Variants in TTBK1 observed in about 807,000 individuals in gnomAD.
TTBK1 encodes tau-tubulin kinase 1.
TTBK1 carries 34 observed loss-of-function variants against 108.5 expected under a neutral mutation model. That is an observed-to-expected ratio of 0.31 (90% CI 0.24 to 0.42). The LOEUF (loss-of-function observed/expected upper bound fraction) is 0.42. Among genes scored for constraint, TTBK1 ranks in the 10% least tolerant of loss-of-function variants. The probability of loss-of-function intolerance (pLI) is 1.00; values close to 1 mark genes in which losing one functional copy is unlikely to be tolerated. For missense variants in TTBK1, 1,539 were observed against 1,826.0 expected, an observed-to-expected ratio of 0.84 and a Z score of 2.86; for synonymous variants, 809 against 795.1, an observed-to-expected ratio of 1.02 and a Z score of -0.29.
At chr6:43,254,411 T>C (rs758258745) in intron 5 of TTBK1, 136 bp from the exon 6 acceptor site, 1 of 585,234 alleles carries the variant, frequency 1.7e-6, no homozygotes, top group Non-Finnish European at 3.0e-6. Flanking sequence ...CACATGTGAA[T>C]ACTGACGTTT....
chr6:43,255,182 C>T, intron 7 of TTBK1, 68 bp downstream of exon 7: 9 of 388,490 alleles, frequency 2.3e-5, no homozygotes, highest in Admixed American at 2.3e-4. Flanking sequence ...CAGTGTGCTG[C>T]TGGGGAGGGG....
At chr6:43,266,998 C>CGTGT (rs3997628) in intron 13 of TTBK1, among the ~76,000 whole-genome samples, 6,474 of 128,100 alleles carry the variant, frequency 0.051, 183 homozygotes, top group East Asian at 0.072. Context: ...CTGGAGCATG[C>CGTGT]GTGTGTGTGT....
At chr6:43,244,227 G>T (rs1453381043) in intron 1 of TTBK1, among the ~76,000 whole-genome samples, 1 of 151,036 alleles carries the variant, frequency 6.6e-6, no homozygotes, top group Non-Finnish European at 1.5e-5. Flanking sequence ...ATTCCCCTCT[G>T]CCTCCCTCCA....
rs780222324 is a variant in TTBK1 at position 43,257,915 on chromosome 6, G to T, written c.965G>T (p.Ser322Ile). 6.2e-7 allele frequency: 1 copy of T among 1,613,964 alleles called. No homozygotes were observed. Among genetic ancestry groups the T allele is most frequent in the South Asian group, 1.1e-5 (1 of 91,070 alleles). Residue 322 changes from serine (S) to isoleucine (I), a missense_variant, in exon 10 of 15, where the codon AGC (serine) becomes ATC (isoleucine). Physicochemically the swap from Ser to Ile is moderately radical, Grantham distance 142. Around this residue, in one of 5 missense-constraint regions of TTBK1, gnomAD observed 277 missense variants for 332.4 expected, o/e 0.83. Transcript: ENST00000259750. This position sits in a 1 kb window ranked among gnomAD's most constrained non-coding sequence, Gnocchi z 4.5. Reference sequence around the variant, plus strand: ...GGCACCGATGCCCTCCTGTCCACGAGCACCTCTACCCCGCCCCAGCAGAAC... The same window carrying T: ...GGCACCGATGCCCTCCTGTCCACGATCACCTCTACCCCGCCCCAGCAGAAC... ...KAGTDALLSTSTSTPPQQNTR... is the reference protein window; with the variant it reads ...KAGTDALLSTITSTPPQQNTR...
chr6:43,268,012 C>G (rs1438549166), intron 13 of TTBK1, among the ~76,000 whole-genome samples: 1 of 152,206 alleles, frequency 6.6e-6, no homozygotes, highest in Non-Finnish European at 1.5e-5. Context: ...AGGGAGATAA[C>G]AGAGCACTCT....
Position 43,283,665 on chromosome 6 carries a change from C to G in TTBK1, c.2925C>G (p.Ala975=). The part of the protein sequence containing the change: ...ASDGGAVEEG[A]RAPLENGLAL... ...ATGGGGGCGCTGTGGAGGAGGGGGC[C>G]CGAGCGCCCCTGGAGAACGGCCTCG... Residue 975 remains alanine (A), a synonymous_variant, in exon 14 of 15, where the codon GCC becomes GCG. Transcript: ENST00000259750. The surrounding 1 kb of genome is among the most constrained non-coding windows in gnomAD (Gnocchi z 8.1). 1 of 1,613,914 alleles carries G rather than the reference C, an allele frequency of 6.2e-7. No homozygotes were observed. Among genetic ancestry groups the G allele is most frequent in the South Asian group, 1.1e-5 (1 of 91,070 alleles).
chr6:43,253,615 C>T lies in TTBK1; in HGVS notation c.378C>T (p.Phe126=), dbSNP rs777940892. 6.2e-6 allele frequency: 10 copies of T among 1,613,452 alleles called. No individual in the cohort carries two copies. Among genetic ancestry groups the T allele is most frequent in the East Asian group, 2.2e-5 (1 of 44,890 alleles). Residue 126 remains phenylalanine, a synonymous_variant, in exon 5 of 15, where the codon TTC becomes TTT. Coordinates refer to ENST00000259750, the MANE Select transcript of TTBK1 (RefSeq NM_032538.3). The surrounding 1 kb of genome is among the most constrained non-coding windows in gnomAD (Gnocchi z 5.8). ...GCCGTAGCCAGCCGCGAGGCACCTTCACGCTGAGCACCACATTGCGGCTGG... is the reference window on the plus strand; with the variant it reads ...GCCGTAGCCAGCCGCGAGGCACCTTTACGCTGAGCACCACATTGCGGCTGG... ...DLRRSQPRGT[F]TLSTTLRLGK... is the part of the protein sequence containing the mutation.
Position 43,263,448 on chromosome 6 carries a change from T to G in TTBK1, c.1986+98T>G. 2 of 1,168,238 alleles carry G rather than the reference T, an allele frequency of 1.7e-6. No homozygotes were observed. The highest frequency in any genetic ancestry group is 2.8e-5 in the East Asian group (1 of 36,362). 72.4% of individuals were successfully genotyped at this position (1,168,238 alleles called of 1,614,324 possible). On this transcript the variant is annotated intron_variant, in intron 13 of 14. Coordinates refer to ENST00000259750, the MANE Select transcript of TTBK1 (RefSeq NM_032538.3). The surrounding 1 kb of genome is among the most constrained non-coding windows in gnomAD (Gnocchi z 4.7). Reference sequence around the variant, plus strand: ...CATGTGTGCTGGCACTACTGACCAGTAAGCCAGCAGTCACAGGGCTGTGAT... The same window carrying G: ...CATGTGTGCTGGCACTACTGACCAGGAAGCCAGCAGTCACAGGGCTGTGAT...
Position 43,263,539 on chromosome 6 carries a change from T to G in TTBK1, c.1986+189T>G, listed in dbSNP as rs1259805387. Among the ~76,000 whole-genome samples the G allele has an allele frequency of 1.3e-5, 2 of 152,218 alleles. No individual in the cohort carries two copies. The highest frequency in any genetic ancestry group is 2.9e-5 in the Non-Finnish European group (2 of 68,026). Reference sequence around the variant, plus strand: ...GGCAGGCAAGGCTTCCCAGAGGAAGTGCCCTCTCAGTTCTGAGTTGAGTCT... The same window carrying G: ...GGCAGGCAAGGCTTCCCAGAGGAAGGGCCCTCTCAGTTCTGAGTTGAGTCT... On this transcript the variant is annotated intron_variant, in intron 13 of 14. Coordinates refer to ENST00000259750, the MANE Select transcript of TTBK1 (RefSeq NM_032538.3). The surrounding 1 kb of genome is among the most constrained non-coding windows in gnomAD (Gnocchi z 4.7).
chr6:43,271,534 C>T (rs1777835019), intron 13 of TTBK1: 1 of 985,308 alleles, frequency 1.0e-6, no homozygotes, highest in East Asian at 1.1e-4. Flanking sequence ...CTACCCCTCT[C>T]TCCCTGTAAC....
Position 43,283,309 on chromosome 6 carries a change from C to A in TTBK1, c.2569C>A (p.Pro857Thr). The A allele has an allele frequency of 6.3e-7, 1 of 1,579,686 alleles. No individual in the cohort carries two copies. Among genetic ancestry groups the A allele is most frequent in the Admixed American group, 1.8e-5 (1 of 55,108 alleles). ...CGTCACTGCCGAACTGGCCCCCGAC[C>A]CCGACCTGGGCACCCTGGCTGCCCT... ...SPVTAELAPD[P>T]DLGTLAALTP... Residue 857 changes from proline to threonine, a missense_variant, in exon 14 of 15, where the codon CCC becomes ACC. Transcript: ENST00000259750. This position sits in a 1 kb window ranked among gnomAD's most constrained non-coding sequence, Gnocchi z 8.1.
At chr6:43,267,689 C>T (rs183563714) in intron 13 of TTBK1, among the ~76,000 whole-genome samples, 1 of 152,068 alleles carries the variant, frequency 6.6e-6, no homozygotes, top group East Asian at 1.9e-4. Flanking sequence ...ATTTAAGGTG[C>T]AAATTAGGAG....
chr6:43,244,006 A>G (rs1355370391), intron 1 of TTBK1, among the ~76,000 whole-genome samples: 1 of 151,904 alleles, frequency 6.6e-6, no homozygotes, highest in East Asian at 1.9e-4. Context: ...GTCATCCCTG[A>G]CGAATCATTC....
rs1778217509 is a variant in TTBK1, at chr6:43,282,969, A to G, written c.2229A>G (p.Glu743=). Residue 743 remains glutamate, a synonymous_variant, in exon 14 of 15, where the codon GAA becomes GAG. Coordinates refer to ENST00000259750, the MANE Select transcript of TTBK1 (RefSeq NM_032538.3). The surrounding 1 kb of genome is among the most constrained non-coding windows in gnomAD (Gnocchi z 5.4). ...AGGAGGAGGAGGAGGAAGATGAGGA[A>G]GAGGAAGAAGAGGATGAGGAAGAAG... ...EEEEEEEEDE[E]EEEEDEEEEE... is the part of the protein sequence containing the mutation. 1 of 1,603,890 alleles carries G rather than the reference A, an allele frequency of 6.2e-7. No homozygotes were observed. The highest frequency in any genetic ancestry group is 8.5e-7 in the Non-Finnish European group (1 of 1,174,326).
At position 43,259,559 on chromosome 6, in the gene TTBK1, G is replaced by A. The variant is rs774742026; in HGVS notation, c.1277G>A (p.Arg426Gln). Residue 426 changes from arginine (R) to glutamine (Q), a missense_variant, in exon 12 of 15, where the codon CGA becomes CAA. Coordinates refer to ENST00000259750, the MANE Select transcript of TTBK1 (RefSeq NM_032538.3). This position sits in a 1 kb window ranked among gnomAD's most constrained non-coding sequence, Gnocchi z 6.7. Reference sequence around the variant, plus strand: ...CCCTGTGTGGAGGAGGAACAGAGCCGAGGCATGGGGGTCCCCAGCTCCCCA... The same window carrying A: ...CCCTGTGTGGAGGAGGAACAGAGCCAAGGCATGGGGGTCCCCAGCTCCCCA... Reference protein sequence around the residue: ...KSPCVEEEQSRGMGVPSSPVR... With the variant: ...KSPCVEEEQSQGMGVPSSPVR... 5.6e-6 allele frequency: 9 copies of A among 1,600,536 alleles called. No individual in the cohort carries two copies. Among genetic ancestry groups the A allele is most frequent in the African/African-American group, 4.0e-5 (3 of 74,570 alleles).
Position 43,263,038 on chromosome 6 carries a change from G to A in TTBK1, c.1674G>A (p.Gly558=). ...KETELKDFPP[G]AEPSTSGTTD... is the part of the protein sequence containing the mutation. ...CGGAGCTCAAGGACTTCCCTCCAGG[G>A]GCTGAGCCCAGCACATCGGGCACCA... The change falls in exon 13 of 15, where the codon GGG becomes GGA. Residue 558 remains glycine (G), a synonymous_variant. Transcript: ENST00000259750. This position sits in a 1 kb window ranked among gnomAD's most constrained non-coding sequence, Gnocchi z 4.7. 6.3e-7 allele frequency: 1 copy of A among 1,596,080 alleles called. No homozygotes were observed. Among genetic ancestry groups the A allele is most frequent in the East Asian group, 2.3e-5 (1 of 43,878 alleles).
chr6:43,269,294 C>T lies in TTBK1; in HGVS notation c.1986+5944C>T, dbSNP rs1483239134. Among the ~76,000 whole-genome samples, 2 of 152,198 alleles carry T rather than the reference C, an allele frequency of 1.3e-5. No individual in the cohort carries two copies. Among genetic ancestry groups the T allele is most frequent in the East Asian group, 1.9e-4 (1 of 5,196 alleles). On this transcript the variant is annotated intron_variant, in intron 13 of 14. Transcript: ENST00000259750. The surrounding 1 kb of genome is among the most constrained non-coding windows in gnomAD (Gnocchi z 4.8). Reference sequence around the variant, plus strand: ...GGAACTCTCTCAGAGCACACAGCCACGTTCCTGAGAGAAAGGGTTCCCCAG... The same window carrying T: ...GGAACTCTCTCAGAGCACACAGCCATGTTCCTGAGAGAAAGGGTTCCCCAG...
chr6:43,285,047 G>A lies in TTBK1; in HGVS notation c.3637G>A (p.Gly1213Ser). The A allele has an allele frequency of 1.3e-6, 2 of 1,511,894 alleles. No homozygotes were observed. The highest frequency in any genetic ancestry group is 1.8e-6 in the Non-Finnish European group (2 of 1,136,708). 93.7% of individuals were successfully genotyped at this position (1,511,894 alleles called of 1,614,324 possible). A position where few individuals can be genotyped will look rare whatever the true frequency, so the allele number is the denominator to read the frequency against. Residue 1213 changes from glycine to serine, a missense_variant, in exon 15 of 15, where the codon GGC (glycine) becomes AGC (serine). Gly to Ser is a moderately conservative substitution (Grantham distance 56, BLOSUM62 0). This residue lies in a region of TTBK1 where 1,055 missense variants were observed against 1,086.5 expected (regional missense o/e 0.97). Transcript: ENST00000259750. The surrounding 1 kb of genome is among the most constrained non-coding windows in gnomAD (Gnocchi z 4.7). ...TGACCTCCGCCCCAAACAACCTCCTGGCCGCGGCCTGGGCCCAGGGCGAGC... is the reference window on the plus strand; with the variant it reads ...TGACCTCCGCCCCAAACAACCTCCTAGCCGCGGCCTGGGCCCAGGGCGAGC... Reference protein sequence around the residue: ...AADLRPKQPPGRGLGPGRAQA... With the variant: ...AADLRPKQPPSRGLGPGRAQA...
Position 43,282,332 on chromosome 6 carries a change from C to T in TTBK1, c.1987-395C>T, listed in dbSNP as rs1426382556. The stretch of plus-strand genomic sequence containing the variant: ...ATCTGTAAAAGGAAGGGCTGATCTG[C>T]GTGGTGGTCGTGGTTCCTTCCAGTT... On this transcript the variant is annotated intron_variant, in intron 13 of 14. Coordinates refer to ENST00000259750, the MANE Select transcript of TTBK1 (RefSeq NM_032538.3). The surrounding 1 kb of genome is among the most constrained non-coding windows in gnomAD (Gnocchi z 5.4). Among the ~76,000 whole-genome samples, 1 of 152,224 alleles carries T rather than the reference C, an allele frequency of 6.6e-6. No individual in the cohort carries two copies. Among genetic ancestry groups the T allele is most frequent in the Non-Finnish European group, 1.5e-5 (1 of 68,036 alleles).
Sources: gnomAD v4.1 joint callset for allele counts (sites outside exome capture counted in the v4.1 genomes callset) on GRCh38, gnomAD v4.1.1 for gene constraint, gnomAD v4.1.1 regional missense constraint, Gnocchi (gnomAD v3.1) non-coding constraint, MANE v1.5 for transcripts, NCBI Gene and HGNC (gene_info 2026-07-23, HGNC 2026-07-21) for gene names.